Variants in MTHFD2L observed in about 807,000 individuals in gnomAD.
MTHFD2L encodes the protein methylenetetrahydrofolate dehydrogenase (NADP+ dependent) 2 like.
A neutral mutation model predicts 34.9 loss-of-function variants in MTHFD2L; 29 were observed. That is an observed-to-expected ratio of 0.83 (90% CI 0.62 to 1.13). The LOEUF (loss-of-function observed/expected upper bound fraction) is 1.13, where lower values mean the gene tolerates loss of function less well. MTHFD2L is among the 50% of genes most tolerant of loss of function. The pLI, the probability that MTHFD2L is intolerant of heterozygous loss-of-function variation, is 0.00. For synonymous variants in MTHFD2L, 167 were observed against 155.7 expected, an observed-to-expected ratio of 1.07 and a Z score of -0.54; for missense variants, 481 against 446.5, an observed-to-expected ratio of 1.08 and a Z score of -0.70.
intron 1 of MTHFD2L, among the ~76,000 whole-genome samples, chr4:74,136,568 C>G (rs1245715849): frequency 6.6e-6 from 1 of 152,050 alleles, no homozygotes; most frequent in Admixed American, 6.6e-5. Flanking sequence ...AATTTCCAGA[C>G]TCACTGCAAT....
upstream of MTHFD2L, among the ~76,000 whole-genome samples, chr4:74,155,909 TAAAA>T (rs60044806): frequency 1.4e-5 from 2 of 143,064 alleles, no homozygotes; most frequent in Non-Finnish European, 3.1e-5. Flanking sequence ...CCATGTGATT[TAAAA>T]AAAAAAAAAA....
upstream of MTHFD2L, chr4:74,156,993 T>C (rs2109872047): frequency 6.6e-6 from 1 of 152,336 alleles, no homozygotes; most frequent in African/African-American, 2.4e-5. Context: ...TCTCCCAGTA[T>C]GTGATTTGTT....
intron 1 of MTHFD2L, among the ~76,000 whole-genome samples, chr4:74,150,865 T>C (rs576729303): frequency 1.3e-5 from 2 of 151,758 alleles, no homozygotes; most frequent in Non-Finnish European, 2.9e-5. Context: ...ACAATTACCA[T>C]GGAAAACAAG....
chr4:74,182,244 A>G (rs867693292), intron 3 of MTHFD2L, among the ~76,000 whole-genome samples: 2 of 152,204 alleles, frequency 1.3e-5, no homozygotes, highest in African/African-American at 4.8e-5. Flanking sequence ...TTAGACAATT[A>G]GTGAATGCTG....
At chr4:74,237,783 A>G (rs1446955678) in intron 6 of MTHFD2L, among the ~76,000 whole-genome samples, 1 of 152,164 alleles carries the variant, frequency 6.6e-6, no homozygotes, top group Non-Finnish European at 1.5e-5. Context: ...TTAATATGGC[A>G]TTGCATCAGC....
chr4:74,119,510 G>A (rs556075298), upstream of MTHFD2L, among the ~76,000 whole-genome samples: 9 of 152,126 alleles, frequency 5.9e-5, no homozygotes, highest in Admixed American at 1.3e-4. Flanking sequence ...CTGGCCGGGC[G>A]CGGTGGCTCA....
At chr4:74,245,930 A>G (rs1236197879) in intron 6 of MTHFD2L, among the ~76,000 whole-genome samples, 7 of 150,034 alleles carry the variant, frequency 4.7e-5, no homozygotes, top group Admixed American at 2.0e-4. Context: ...TAGTGCCGCA[A>G]TAAACATACG....
intron 6 of MTHFD2L, among the ~76,000 whole-genome samples, chr4:74,245,696 C>G (rs1015474434): frequency 1.8e-4 from 28 of 151,960 alleles, no homozygotes; most frequent in African/African-American, 6.3e-4. Context: ...TCTCATTGTT[C>G]AGTTCCCATC....
chr4:74,281,575 G>A (rs1420108794), intron 7 of MTHFD2L, 25 bp downstream of exon 7: 1 of 1,576,558 alleles, frequency 6.3e-7, no homozygotes, highest in Admixed American at 2.0e-5. Flanking sequence ...TCTTTTGATA[G>A]GTGAAGAAGA....
At chr4:74,275,406 T>C (rs7670535) in intron 6 of MTHFD2L, among the ~76,000 whole-genome samples, 37,680 of 152,088 alleles carry the variant, frequency 0.25, 5,075 homozygotes, top group African/African-American at 0.37. Flanking sequence ...GCGATAAATA[T>C]ATGTGTGCAT....
chr4:74,129,181 C>G (rs1344523638), intron 1 of MTHFD2L, among the ~76,000 whole-genome samples: 5 of 151,632 alleles, frequency 3.3e-5, no homozygotes, highest in Non-Finnish European at 5.9e-5. Context: ...AAAGAGAAAA[C>G]TAAAAAACAA....
chr4:74,224,242 A>G (rs1738767042), intron 5 of MTHFD2L: 1 of 151,898 alleles, frequency 6.6e-6, no homozygotes, highest in Non-Finnish European at 1.5e-5. Context: ...GGAAAGCTAT[A>G]TTTTTTTGCA....
At chr4:74,251,756 T>C (rs1742413727) in intron 6 of MTHFD2L, among the ~76,000 whole-genome samples, 1 of 152,238 alleles carries the variant, frequency 6.6e-6, no homozygotes, top group Admixed American at 6.5e-5. Context: ...TATAGCTATC[T>C]GACTCTCTTT....
intron 6 of MTHFD2L, among the ~76,000 whole-genome samples, chr4:74,242,935 C>G (rs1367715228): frequency 2.0e-5 from 3 of 152,222 alleles, no homozygotes; most frequent in Non-Finnish European, 4.4e-5. Flanking sequence ...ATAACTCTCT[C>G]CTAATGTATA....
At chr4:74,279,506 T>C (rs910443723) in intron 6 of MTHFD2L, among the ~76,000 whole-genome samples, 1 of 152,080 alleles carries the variant, frequency 6.6e-6, no homozygotes, top group African/African-American at 2.4e-5. Context: ...TTTGTAATTT[T>C]CCTGGGAATT....
intron 6 of MTHFD2L, among the ~76,000 whole-genome samples, chr4:74,273,605 C>T (rs1746261745): frequency 6.6e-6 from 1 of 152,076 alleles, no homozygotes; most frequent in Non-Finnish European, 1.5e-5. Context: ...TTGAAAATGT[C>T]TATTATAATT....
chr4:74,165,285 G>C (rs948130684), intron 1 of MTHFD2L, among the ~76,000 whole-genome samples: 1 of 152,124 alleles, frequency 6.6e-6, no homozygotes, highest in Non-Finnish European at 1.5e-5. Flanking sequence ...TCACATGCTT[G>C]AATCAGTTTC....
chr4:74,200,052 C>A, intron 4 of MTHFD2L, 106 bp downstream of exon 4: 1 of 997,088 alleles, frequency 1.0e-6, no homozygotes. Context: ...GACAGAAAAT[C>A]ATAATCCATA....
chr4:74,176,349 A>G (rs1384587194), intron 3 of MTHFD2L, among the ~76,000 whole-genome samples: 1 of 152,038 alleles, frequency 6.6e-6, no homozygotes, highest in Non-Finnish European at 1.5e-5. Context: ...CCTTCGCTTC[A>G]TGCGGGCCTA....
Sources: gnomAD v4.1 joint callset for allele counts (sites outside exome capture counted in the v4.1 genomes callset) on GRCh38, gnomAD v4.1.1 for gene constraint, MANE v1.5 for transcripts, NCBI Gene and HGNC (gene_info 2026-07-23, HGNC 2026-07-21) for gene names.